GPC6: variants seen among roughly 807,000 people sequenced by gnomAD.
The protein encoded by GPC6 is glypican 6, also known as glypican-6.
A neutral mutation model predicts 55.2 loss-of-function variants in GPC6; 14 were observed. The observed-to-expected ratio is 0.25, with a 90% CI of 0.17 to 0.40. The LOEUF (loss-of-function observed/expected upper bound fraction) is 0.40. Ranked by LOEUF, GPC6 falls within the 10% of genes least tolerant of loss-of-function variation. The pLI, the probability that GPC6 is intolerant of heterozygous loss-of-function variation, is 1.00. For missense variants in GPC6, 641 were observed against 708.5 expected (o/e 0.90, Z 1.08); for synonymous variants, 278 against 259.6 (o/e 1.07, Z -0.68).
At chr13:93,252,107 GGGCC>G (rs1348975211) in intron 1 of GPC6, among the ~76,000 whole-genome samples, 1 of 152,162 alleles carries the variant, frequency 6.6e-6, no homozygotes, top group African/African-American at 2.4e-5. Context: ...CTAAACAGGT[GGGCC>G]CCACCCTGAG....
intron 3 of GPC6, among the ~76,000 whole-genome samples, chr13:93,862,015 C>A (rs944992752): frequency 4.0e-5 from 6 of 151,578 alleles, no homozygotes; most frequent in African/African-American, 1.5e-4. Context: ...ACATCACAAA[C>A]CCTCTCTCTA....
chr13:94,317,922 T>C lies in GPC6; in HGVS notation c.1152+11799T>C, dbSNP rs374124819. ...ATTACTCTCCACTCTTTGTGCCCAA[T>C]AACAATAGGTGGACAACTCAGAGAT... is the stretch of plus-strand genomic sequence containing the variant. On this transcript the variant is annotated intron_variant, in intron 6 of 8. Coordinates refer to ENST00000377047, the MANE Select transcript of GPC6 (RefSeq NM_005708.5). 1.5e-4 allele frequency among the ~76,000 whole-genome samples: 23 copies of C among 152,282 alleles called. 1 individual carries two copies. Among genetic ancestry groups the C allele is most frequent in the African/African-American group, 5.3e-4 (22 of 41,566 alleles).
At chr13:93,660,748 G>C (rs991389607) in intron 2 of GPC6, among the ~76,000 whole-genome samples, 1 of 152,168 alleles carries the variant, frequency 6.6e-6, no homozygotes, top group Non-Finnish European at 1.5e-5. Context: ...TTATTGCACA[G>C]CTCCTTTGAA....
At chr13:93,578,258 A>T (rs2139484591) in intron 2 of GPC6, among the ~76,000 whole-genome samples, 1 of 152,190 alleles carries the variant, frequency 6.6e-6, no homozygotes, top group Admixed American at 6.5e-5. Flanking sequence ...AATTTTTTTT[A>T]AAAAGAGTTT....
chr13:94,407,101 A>G lies in GPC6; in HGVS notation c.*3884A>G, dbSNP rs1255245301. 4 of 152,126 alleles carry G rather than the reference A, an allele frequency of 2.6e-5. No individual in the cohort carries two copies. The highest frequency in any genetic ancestry group is 4.4e-5 in the Non-Finnish European group (3 of 67,976). 9.4% of individuals were successfully genotyped at this position (152,126 alleles called of 1,614,324 possible). A position where few individuals can be genotyped will look rare whatever the true frequency, so the allele number is the denominator to read the frequency against. ...GAGACTTGCTATATCATGGTTTGCTATGGCACAGACTCAGCTTAGCATGGG... is the reference window on the plus strand; with the variant it reads ...GAGACTTGCTATATCATGGTTTGCTGTGGCACAGACTCAGCTTAGCATGGG... On this transcript the variant is annotated 3_prime_UTR_variant, in exon 9 of 9. Coordinates refer to ENST00000377047, the MANE Select transcript of GPC6 (RefSeq NM_005708.5).
At chr13:94,001,086 T>C (rs1331470989) in intron 3 of GPC6, among the ~76,000 whole-genome samples, 1 of 152,106 alleles carries the variant, frequency 6.6e-6, no homozygotes, top group Non-Finnish European at 1.5e-5. Flanking sequence ...AATAGAGTAA[T>C]TGATTTAGTA....
intron 1 of GPC6, among the ~76,000 whole-genome samples, chr13:93,368,386 T>TTCCC (rs1214735593): frequency 8.8e-6 from 1 of 113,610 alleles, no homozygotes; most frequent in African/African-American, 3.1e-5. Context: ...CCTTCCTTCC[T>TTCCC]TCCGTCCTTC....
intron 1 of GPC6, among the ~76,000 whole-genome samples, chr13:93,259,161 A>G (rs1877052110): frequency 6.6e-6 from 1 of 152,104 alleles, no homozygotes; most frequent in South Asian, 2.1e-4. Flanking sequence ...GTAATTTCTC[A>G]TTGGATTTCT....
chr13:93,894,650 G>A (rs1875885982), intron 3 of GPC6, among the ~76,000 whole-genome samples: 1 of 152,100 alleles, frequency 6.6e-6, no homozygotes, highest in Admixed American at 6.6e-5. Context: ...CTCTTATTCA[G>A]AGAAGATTGT....
intron 1 of GPC6, among the ~76,000 whole-genome samples, chr13:93,480,090 C>A (rs1435723684): frequency 2.0e-5 from 3 of 152,130 alleles, no homozygotes; most frequent in Non-Finnish European, 2.9e-5. Flanking sequence ...AGACATTATT[C>A]TTTATTTCTG....
chr13:94,009,038 G>C (rs1429824332), intron 3 of GPC6, among the ~76,000 whole-genome samples: 1 of 152,114 alleles, frequency 6.6e-6, no homozygotes, highest in African/African-American at 2.4e-5. Context: ...TATTCCTTCA[G>C]ATTGAGTTAT....
intron 3 of GPC6, among the ~76,000 whole-genome samples, chr13:93,936,596 A>C (rs1013292186): frequency 1.3e-5 from 2 of 152,170 alleles, no homozygotes; most frequent in South Asian, 4.1e-4. Flanking sequence ...TACATTATGC[A>C]CCTACTCAAA....
At chr13:94,246,142 T>C (rs1891190048) in intron 4 of GPC6, among the ~76,000 whole-genome samples, 1 of 152,126 alleles carries the variant, frequency 6.6e-6, no homozygotes, top group Admixed American at 6.6e-5. Flanking sequence ...ATGTGCCTGA[T>C]GGCCATTTTT....
intron 2 of GPC6, among the ~76,000 whole-genome samples, chr13:93,740,169 A>G (rs1884153023): frequency 7.1e-6 from 1 of 141,484 alleles, no homozygotes; most frequent in Non-Finnish European, 1.5e-5. Context: ...ACTAGAGAAT[A>G]CTATAGCAAC....
chr13:94,141,436 C>G (rs545329069), intron 4 of GPC6, among the ~76,000 whole-genome samples: 3 of 152,252 alleles, frequency 2.0e-5, no homozygotes, highest in East Asian at 1.9e-4. Flanking sequence ...AACTCGGTCT[C>G]TTAGTGTCAT....
At chr13:93,269,254 A>G (rs532121308) in intron 1 of GPC6, among the ~76,000 whole-genome samples, 3 of 152,222 alleles carry the variant, frequency 2.0e-5, no homozygotes, top group Non-Finnish European at 2.9e-5. Context: ...CTAATGTTGT[A>G]TTGACTTTTC....
intron 2 of GPC6, among the ~76,000 whole-genome samples, chr13:93,770,790 GACCAAGACCCACTTCCTCTAGA>G (rs1015528589): frequency 2.0e-5 from 3 of 151,964 alleles, no homozygotes; most frequent in Non-Finnish European, 4.4e-5. Flanking sequence ...GCTAATATTA[GACCAAGACCCACTTCCTCTAGA>G]AATAAATCCT....
At chr13:94,216,289 A>G (rs1890223943) in intron 4 of GPC6, among the ~76,000 whole-genome samples, 1 of 152,206 alleles carries the variant, frequency 6.6e-6, no homozygotes, top group Non-Finnish European at 1.5e-5. Flanking sequence ...CCCCATTAAC[A>G]CAGAAGGAAA....
intron 2 of GPC6, among the ~76,000 whole-genome samples, chr13:93,548,594 C>A (rs1032384343): frequency 1.3e-5 from 2 of 151,960 alleles, no homozygotes; most frequent in Non-Finnish European, 2.9e-5. Flanking sequence ...CTTTCTCTGT[C>A]TTTTTTAAAT....
Sources: gnomAD v4.1 joint callset for allele counts (sites outside exome capture counted in the v4.1 genomes callset) on GRCh38, gnomAD v4.1.1 for gene constraint, MANE v1.5 for transcripts, NCBI Gene and HGNC (gene_info 2026-07-23, HGNC 2026-07-21) for gene names.